Variants in TMEM150C observed in about 807,000 individuals in gnomAD.
TMEM150C encodes tentonin 3.
Under a neutral mutation model 29.9 loss-of-function variants are expected in TMEM150C, and 10 were observed. The observed-to-expected ratio is 0.33, with a 90% CI of 0.21 to 0.57. The LOEUF is 0.57. Among genes scored for constraint, TMEM150C ranks in the 20% least tolerant of loss-of-function variants. The pLI is 0.88. For missense variants in TMEM150C, 251 were observed against 303.6 expected (o/e 0.83, Z 1.29); for synonymous variants, 101 against 112.5 (o/e 0.90, Z 0.64).
chr4:82,494,008 A>T (rs1390626735), intron 6 of TMEM150C, among the ~76,000 whole-genome samples: 1 of 152,190 alleles, frequency 6.6e-6, no homozygotes, highest in Non-Finnish European at 1.5e-5. Flanking sequence ...TGGTTTAATG[A>T]ATCAGCAGTG....
intron 1 of TMEM150C, among the ~76,000 whole-genome samples, chr4:82,526,016 C>T (rs1197719727): frequency 6.6e-6 from 1 of 152,318 alleles, no homozygotes; most frequent in Middle Eastern, 3.4e-3. Context: ...GTGATCCTCC[C>T]ACCTCAGCCT....
At chr4:82,488,712 C>T (rs1723237212) in intron 7 of TMEM150C, among the ~76,000 whole-genome samples, 1 of 152,150 alleles carries the variant, frequency 6.6e-6, no homozygotes, top group African/African-American at 2.4e-5. Context: ...TTCCTGGGAT[C>T]AAGTGATCCT....
At chr4:82,548,953 C>G (rs1338969126) in intron 1 of TMEM150C, among the ~76,000 whole-genome samples, 1 of 152,106 alleles carries the variant, frequency 6.6e-6, no homozygotes, top group African/African-American at 2.4e-5. Context: ...GAGAGGTGGG[C>G]AAGTGCCCCA....
chr4:82,552,428 A>G (rs1426037510), intron 1 of TMEM150C, among the ~76,000 whole-genome samples: 3 of 152,136 alleles, frequency 2.0e-5, no homozygotes, highest in Non-Finnish European at 4.4e-5. Context: ...CTGGTGCTAG[A>G]GAAACCAGGT....
chr4:82,502,159 T>G (rs1723757138), intron 5 of TMEM150C, among the ~76,000 whole-genome samples: 1 of 152,192 alleles, frequency 6.6e-6, no homozygotes, highest in Admixed American at 6.5e-5. Flanking sequence ...CAGGAGGGTC[T>G]TGGGCCCCAA....
At chr4:82,495,398 G>C (rs928229373) in intron 6 of TMEM150C, 1 of 265,726 alleles carries the variant, frequency 3.8e-6, no homozygotes, top group African/African-American at 2.3e-5. Flanking sequence ...CTGAGATCTC[G>C]CCACTGCGCT....
At chr4:82,513,314 T>A (rs894941889) in intron 1 of TMEM150C, among the ~76,000 whole-genome samples, 1 of 152,092 alleles carries the variant, frequency 6.6e-6, no homozygotes, top group African/African-American at 2.4e-5. Flanking sequence ...GAAGTGAACC[T>A]CCAGCAAACT....
At position 82,485,549 on chromosome 4, in the gene TMEM150C, G is replaced by A. The variant is rs1723132628; in HGVS notation, c.712C>T (p.Leu238=). 1 of 1,608,976 alleles carries A rather than the reference G, an allele frequency of 6.2e-7. No homozygotes were observed. The highest frequency in any genetic ancestry group is 8.5e-7 in the Non-Finnish European group (1 of 1,177,684). ...GTCTGATATTCAGAAGCTTCTGACA[G>A]GCTTTCTGAGAAGCTTAGGAAATTC... ...QENFLSFSES[L]SEASEYQTDQ... Residue 238 remains leucine (L), a synonymous_variant, in exon 8 of 8, where the codon CTG becomes TTG. Transcript: ENST00000449862.
chr4:82,502,911 G>A lies in TMEM150C; in HGVS notation c.151C>T (p.His51Tyr). 6.3e-7 allele frequency: 1 copy of A among 1,596,536 alleles called. No homozygotes were observed. Among genetic ancestry groups the A allele is most frequent in the Non-Finnish European group, 8.5e-7 (1 of 1,171,036 alleles). ...CTGGGTTACCTTATATATGGTGCAT[G>A]CTTCACACCAGGTTTCCTGGATAAT... The part of the protein sequence containing the change: ...NSAERKPGVK[H>Y]APYISIAGDD... The change falls in exon 4 of 8, where the codon CAT (histidine) becomes TAT (tyrosine). Residue 51 changes from histidine to tyrosine, a missense_variant. Transcript: ENST00000449862.
chr4:82,525,389 C>T (rs2110080391), intron 1 of TMEM150C, among the ~76,000 whole-genome samples: 4 of 152,230 alleles, frequency 2.6e-5, no homozygotes, highest in Admixed American at 2.6e-4. Flanking sequence ...TTTCCAAAGT[C>T]TAGTTCAGTG....
Position 82,485,614 on chromosome 4 carries a change from C to A in TMEM150C, c.647G>T (p.Arg216Leu). The A allele has an allele frequency of 6.2e-7, 1 of 1,610,154 alleles. No individual in the cohort carries two copies. Among genetic ancestry groups the A allele is most frequent in the Non-Finnish European group, 8.5e-7 (1 of 1,178,296 alleles). ...SYFGTFAVEF[R>L]HYRYEIVCSE... ...GCAAACAATCTCATAGCGGTAATGCCGGAACTCCACGGCAAAGGTGCCAAA... is the reference window on the plus strand; with the variant it reads ...GCAAACAATCTCATAGCGGTAATGCAGGAACTCCACGGCAAAGGTGCCAAA... Residue 216 changes from arginine (R) to leucine (L), a missense_variant, in exon 8 of 8, where the codon CGG becomes CTG. By Grantham distance (102) the Arg-to-Leu change is moderately radical. Coordinates refer to ENST00000449862, the MANE Select transcript of TMEM150C (RefSeq NM_001080506.3).
intron 5 of TMEM150C, 84 bp downstream of exon 5, chr4:82,502,643 A>G (rs753909846): frequency 5.0e-5 from 67 of 1,333,160 alleles, no homozygotes; most frequent in Admixed American, 1.2e-4. Context: ...TAAGCCCCCC[A>G]TTGTTTTGAC....
At position 82,485,489 on chromosome 4, in the gene TMEM150C, C is replaced by A. The variant is rs757400773; in HGVS notation, c.*22G>T. 1.3e-5 allele frequency: 21 copies of A among 1,570,640 alleles called. No homozygotes were observed. Among genetic ancestry groups the A allele is most frequent in the Non-Finnish European group, 1.4e-5 (16 of 1,156,310 alleles). ...CTCCCCCACTGTCACACCCACCTCA[C>A]CAGCAAGGAAAAACTGATGGTTTAC... On this transcript the variant is annotated 3_prime_UTR_variant, in exon 8 of 8. Coordinates refer to ENST00000449862, the MANE Select transcript of TMEM150C (RefSeq NM_001080506.3).
intron 5 of TMEM150C, among the ~76,000 whole-genome samples, chr4:82,497,620 A>G (rs1723598983): frequency 1.3e-5 from 2 of 152,204 alleles, no homozygotes; most frequent in Admixed American, 1.3e-4. Context: ...AAAATCTCAA[A>G]TTGTTCAGCC....
Position 82,561,497 on chromosome 4 carries a change from C to T in TMEM150C, c.-11+409G>A, listed in dbSNP as rs1364045859. Among the ~76,000 whole-genome samples the T allele has an allele frequency of 5.9e-5, 9 of 152,094 alleles. No individual in the cohort carries two copies. The East Asian group carries it at 1.7e-3, about 29-fold the overall frequency. On this transcript the variant is annotated intron_variant, in intron 1 of 7. Coordinates refer to ENST00000449862, the MANE Select transcript of TMEM150C (RefSeq NM_001080506.3). ...CTTGGGGTCGCTTCTCACCCGAGTC[C>T]ACCCGATAACGAGATGATGGGGCGG...
chr4:82,508,160 C>T (rs779557256), intron 1 of TMEM150C, among the ~76,000 whole-genome samples: 4 of 152,058 alleles, frequency 2.6e-5, no homozygotes, highest in Non-Finnish European at 4.4e-5. Flanking sequence ...GTCACCCAAA[C>T]TTTACTTATA....
At chr4:82,508,639 T>A (rs1724017160) in intron 1 of TMEM150C, among the ~76,000 whole-genome samples, 3 of 152,134 alleles carry the variant, frequency 2.0e-5, no homozygotes, top group Admixed American at 2.0e-4. Flanking sequence ...CTAATTTTTA[T>A]ATTTTTAGTA....
At chr4:82,506,360 G>A (rs1381872939) in intron 1 of TMEM150C, among the ~76,000 whole-genome samples, 5 of 152,222 alleles carry the variant, frequency 3.3e-5, no homozygotes, top group Non-Finnish European at 7.3e-5. Flanking sequence ...GCCTAATAAA[G>A]TGTCTTTCAA....
At chr4:82,561,490 C>T (rs1342763795) in intron 1 of TMEM150C, among the ~76,000 whole-genome samples, 1 of 152,064 alleles carries the variant, frequency 6.6e-6, no homozygotes, top group Non-Finnish European at 1.5e-5. Context: ...CGCTTCTCAC[C>T]CGAGTCCACC....
Sources: allele counts gnomAD v4.1 joint callset (sites outside exome capture counted in the v4.1 genomes callset), GRCh38; gene constraint gnomAD v4.1.1; transcripts MANE v1.5; gene names NCBI Gene and HGNC (gene_info 2026-07-23, HGNC 2026-07-21).